The following EBF1 variants were observed in gnomAD, a reference collection of about 807,000 sequenced individuals.
EBF1 encodes EBF transcription factor 1.
EBF1 carries 10 observed loss-of-function variants against 68.4 expected under a neutral mutation model. The observed-to-expected ratio is 0.15, with a 90% CI of 0.09 to 0.25. The LOEUF is 0.25. Ranked by LOEUF, EBF1 falls within the 10% of genes least tolerant of loss-of-function variation. The pLI is 1.00. For synonymous variants in EBF1, 298 were observed against 299.8 expected, an observed-to-expected ratio of 0.99 and a Z score of 0.06; for missense variants, 509 against 794.4, an observed-to-expected ratio of 0.64 and a Z score of 4.32.
chr5:159,096,619 G>GCGCA, intron 2 of EBF1: 1 of 630,520 alleles, frequency 1.6e-6, no homozygotes, highest in Non-Finnish European at 2.8e-6. Flanking sequence ...ATTCCGTCGG[G>GCGCA]CGCACACAGG....
chr5:158,903,774 C>G (rs1803956381), intron 6 of EBF1, among the ~76,000 whole-genome samples: 1 of 152,146 alleles, frequency 6.6e-6, no homozygotes, highest in Admixed American at 6.5e-5. Context: ...TTTACTATCT[C>G]ACCTCTCTGT....
At chr5:158,869,438 G>C (rs938732969) in intron 6 of EBF1, among the ~76,000 whole-genome samples, 1 of 152,094 alleles carries the variant, frequency 6.6e-6, no homozygotes, top group Admixed American at 6.6e-5. Flanking sequence ...TCACAGGAGG[G>C]AATACCCGCC....
chr5:158,974,608 G>T (rs957803175), intron 6 of EBF1, among the ~76,000 whole-genome samples: 5 of 152,122 alleles, frequency 3.3e-5, no homozygotes, highest in Admixed American at 2.6e-4. Flanking sequence ...GCGCTGTCAT[G>T]ATCAATCGTA....
At chr5:158,704,450 A>G (rs1291602452) in intron 15 of EBF1, among the ~76,000 whole-genome samples, 2 of 152,182 alleles carry the variant, frequency 1.3e-5, no homozygotes, top group East Asian at 3.9e-4. Flanking sequence ...TCTTGTTGAC[A>G]TGGGCAATTT....
At chr5:158,876,978 A>G (rs1000301756) in intron 6 of EBF1, among the ~76,000 whole-genome samples, 1 of 152,208 alleles carries the variant, frequency 6.6e-6, no homozygotes, top group Non-Finnish European at 1.5e-5. Flanking sequence ...GCTCCAAAAT[A>G]TGCATGACTT....
Position 158,699,125 on chromosome 5 carries a change from C to A in EBF1, c.1762G>T (p.Val588Phe), listed in dbSNP as rs199520655. 3.1e-6 allele frequency: 5 copies of A among 1,607,556 alleles called. No homozygotes were observed. The highest frequency in any genetic ancestry group is 1.1e-5 in the South Asian group (1 of 89,416). The change falls in exon 16 of 16, where the codon GTT becomes TTT. Residue 588 changes from valine to phenylalanine, a missense_variant. Physicochemically the swap from Val to Phe is conservative, Grantham distance 50 (BLOSUM62 -1). Coordinates refer to ENST00000313708, the MANE Select transcript of EBF1 (RefSeq NM_024007.5). Reference protein sequence around the residue: ...NSLQAISGMIVPPM With the variant: ...NSLQAISGMIFPPM ...AGGCAATTCTTTCACATAGGAGGAA[C>A]AATCATGCCAGATATCGCTATGAAA...
intron 10 of EBF1, among the ~76,000 whole-genome samples, chr5:158,767,040 T>A (rs543918721): frequency 8.5e-5 from 13 of 152,300 alleles, no homozygotes; most frequent in Admixed American, 8.5e-4. Context: ...AGCTTTCTAA[T>A]CCCTTACCAG....
At chr5:158,824,214 T>C (rs1472411144) in intron 7 of EBF1, among the ~76,000 whole-genome samples, 2 of 152,216 alleles carry the variant, frequency 1.3e-5, no homozygotes, top group Admixed American at 1.3e-4. Flanking sequence ...TCCCACCTCA[T>C]GCTTTGACAT....
At chr5:158,788,022 C>A (rs79410192) in intron 9 of EBF1, among the ~76,000 whole-genome samples, 1 of 151,622 alleles carries the variant, frequency 6.6e-6, no homozygotes, top group Admixed American at 6.6e-5. Context: ...ATTTGTTTGA[C>A]TGAATGAATG....
intron 6 of EBF1, among the ~76,000 whole-genome samples, chr5:158,989,903 C>T (rs559960679): frequency 2.6e-5 from 4 of 152,220 alleles, no homozygotes; most frequent in Admixed American, 6.5e-5. Flanking sequence ...CTAGATGGTA[C>T]GGCCCTTCAG....
In EBF1 at chr5:158,699,044, T is replaced by C. The variant is rs1756206817; in HGVS notation, c.*67A>G. 1 of 1,446,334 alleles carries C rather than the reference T, an allele frequency of 6.9e-7. No homozygotes were observed. The highest frequency in any genetic ancestry group is 9.3e-7 in the Non-Finnish European group (1 of 1,070,598). The allele number at this position is 1,446,334 out of a possible 1,614,324, so 89.6% of individuals were successfully genotyped here. A position where few individuals can be genotyped will look rare whatever the true frequency, so the allele number is the denominator to read the frequency against. On this transcript the variant is annotated 3_prime_UTR_variant, in exon 16 of 16. Transcript: ENST00000313708. ...GAGTTAAAAGTTCCACTCTGGGACT[T>C]GTATCAGATTACTCTCTGTAGCAGA...
At chr5:158,961,804 T>A (rs2127536123) in intron 6 of EBF1, among the ~76,000 whole-genome samples, 1 of 152,360 alleles carries the variant, frequency 6.6e-6, no homozygotes, top group East Asian at 1.9e-4. Context: ...TGGAGGTCAT[T>A]TCTATTTTCT....
intron 6 of EBF1, among the ~76,000 whole-genome samples, chr5:158,933,649 A>T (rs1001964543): frequency 2.0e-5 from 3 of 152,240 alleles, no homozygotes; most frequent in Non-Finnish European, 4.4e-5. Flanking sequence ...TTGCTTAGTA[A>T]TTCTGCCACT....
intron 6 of EBF1, among the ~76,000 whole-genome samples, chr5:158,970,118 C>G (rs1755314292): frequency 2.0e-5 from 3 of 152,134 alleles, no homozygotes; most frequent in Admixed American, 1.3e-4. Context: ...TGGTCAAGTT[C>G]CACTAATGAA....
At chr5:158,880,472 C>A (rs1798684101) in intron 6 of EBF1, among the ~76,000 whole-genome samples, 1 of 152,196 alleles carries the variant, frequency 6.6e-6, no homozygotes, top group Non-Finnish European at 1.5e-5. Flanking sequence ...TATATACACG[C>A]TGGTACATTC....
intron 6 of EBF1, among the ~76,000 whole-genome samples, chr5:158,952,802 G>A (rs1816294446): frequency 6.6e-6 from 1 of 152,128 alleles, no homozygotes; most frequent in Non-Finnish European, 1.5e-5. Context: ...ATTCAGATTA[G>A]ATTTCCTAAG....
In EBF1 at chr5:158,713,167, T is replaced by C; in HGVS notation, c.1192-20A>G. On this transcript the variant is annotated intron_variant, in intron 12 of 15. Coordinates refer to ENST00000313708, the MANE Select transcript of EBF1 (RefSeq NM_024007.5). ...GATTTCCTGAAAAGTCAAAGGAATA[T>C]CCCCTTCAGCTGCCCCCAGTCATAT... The C allele has an allele frequency of 7.0e-7, 1 of 1,436,510 alleles. No homozygotes were observed. 89.0% of individuals were successfully genotyped at this position (1,436,510 alleles called of 1,614,324 possible).
chr5:158,839,599 T>A (rs1448949775), intron 7 of EBF1, among the ~76,000 whole-genome samples: 1 of 152,114 alleles, frequency 6.6e-6, no homozygotes, highest in Non-Finnish European at 1.5e-5. Flanking sequence ...GCCAGGCTGG[T>A]CTTGAACTCT....
intron 6 of EBF1, among the ~76,000 whole-genome samples, chr5:158,864,303 C>G (rs116505159): frequency 6.6e-6 from 1 of 151,422 alleles, no homozygotes; most frequent in Non-Finnish European, 1.5e-5. Flanking sequence ...TTAAACTAAC[C>G]GAGATCTGAC....
Sources: gnomAD v4.1 joint callset for allele counts (sites outside exome capture counted in the v4.1 genomes callset) on GRCh38, gnomAD v4.1.1 for gene constraint, MANE v1.5 for transcripts, NCBI Gene and HGNC (gene_info 2026-07-23, HGNC 2026-07-21) for gene names.